SLC35A3: variants seen among roughly 807,000 people sequenced by gnomAD.
SLC35A3 encodes solute carrier family 35 member A3, also known as UDP-N-acetylglucosamine transporter.
Under a neutral mutation model 39.0 loss-of-function variants are expected in SLC35A3, and 26 were observed. The observed-to-expected ratio is 0.67, with a 90% CI of 0.49 to 0.92. SLC35A3 has a LOEUF of 0.92. SLC35A3 is among the 40% of genes least tolerant of loss of function. The pLI is 0.00. For missense variants in SLC35A3, 299 were observed against 371.6 expected (o/e 0.80, Z 1.61); for synonymous variants, 135 against 133.1 (o/e 1.01, Z -0.10).
At chr1:99,995,325 G>A (rs531007884) in intron 2 of SLC35A3, among the ~76,000 whole-genome samples, 2 of 151,640 alleles carry the variant, frequency 1.3e-5, no homozygotes, top group Non-Finnish European at 2.9e-5. Flanking sequence ...GCTACTTTTT[G>A]TATTTTTAGT....
At chr1:99,998,997 A>T (rs932264180) in intron 2 of SLC35A3, among the ~76,000 whole-genome samples, 2 of 152,204 alleles carry the variant, frequency 1.3e-5, no homozygotes, top group Admixed American at 1.3e-4. Context: ...ATGTGTTTGT[A>T]TGTGTTTGTA....
At chr1:99,970,554 G>T (rs1349205867) in intron 1 of SLC35A3, 3 of 1,535,944 alleles carry the variant, frequency 2.0e-6, no homozygotes, top group Non-Finnish European at 2.6e-6. Context: ...CTCGCTCGGT[G>T]TTGAGCCCTG....
At chr1:100,006,124 G>A (rs1327892538) in intron 3 of SLC35A3, among the ~76,000 whole-genome samples, 1 of 152,164 alleles carries the variant, frequency 6.6e-6, no homozygotes, top group Admixed American at 6.5e-5. Context: ...TGTCAGTGGG[G>A]TCTGTCTGGT....
At chr1:100,006,756 C>G (rs1390210534) in intron 3 of SLC35A3, among the ~76,000 whole-genome samples, 1 of 152,168 alleles carries the variant, frequency 6.6e-6, no homozygotes, top group African/African-American at 2.4e-5. Flanking sequence ...GTGGCAGTGG[C>G]TGTGGAGATA....
At chr1:100,004,561 C>T (rs1386650523) in intron 3 of SLC35A3, among the ~76,000 whole-genome samples, 2 of 152,080 alleles carry the variant, frequency 1.3e-5, no homozygotes, top group Non-Finnish European at 2.9e-5. Flanking sequence ...CTTGGCCTCC[C>T]AAAGTGTGAT....
intron 2 of SLC35A3, among the ~76,000 whole-genome samples, chr1:99,997,883 T>A (rs914503860): frequency 1.3e-5 from 2 of 152,128 alleles, no homozygotes; most frequent in African/African-American, 2.4e-5. Flanking sequence ...CTGGAAGGTC[T>A]TTAAAAGATA....
chr1:99,983,537 T>TCAAAACAAAA (rs111846657), intron 1 of SLC35A3, among the ~76,000 whole-genome samples: 1 of 150,202 alleles, frequency 6.7e-6, no homozygotes, highest in Non-Finnish European at 1.5e-5. Context: ...AGACTCCGTC[T>TCAAAACAAAA]CAAAACAAAA....
At chr1:100,003,488 T>G (rs924202344) in intron 3 of SLC35A3, among the ~76,000 whole-genome samples, 2 of 151,622 alleles carry the variant, frequency 1.3e-5, no homozygotes, top group African/African-American at 4.8e-5. Context: ...AGAAGATACT[T>G]GATATGACTT....
At chr1:100,006,458 G>A (rs1043099932) in intron 3 of SLC35A3, among the ~76,000 whole-genome samples, 3 of 152,170 alleles carry the variant, frequency 2.0e-5, no homozygotes, top group African/African-American at 4.8e-5. Flanking sequence ...GTGTACATGA[G>A]TGCCAGTGGT....
intron 2 of SLC35A3, among the ~76,000 whole-genome samples, chr1:99,995,103 A>AT (rs902662892): frequency 1.7e-5 from 2 of 116,166 alleles, no homozygotes; most frequent in African/African-American, 3.2e-5. Flanking sequence ...CTTTTTGTGT[A>AT]TTTTCTTTCT....
intron 3 of SLC35A3, chr1:100,000,768 C>T (rs1261378440): frequency 2.0e-5 from 3 of 152,082 alleles, no homozygotes; most frequent in Non-Finnish European, 4.4e-5. Context: ...AAATAACAGC[C>T]ATAAAATCTG....
chr1:100,027,368 C>T lies in SLC35A3; in HGVS notation c.*4892C>T. On this transcript the variant is annotated 3_prime_UTR_variant, in exon 8 of 8. Coordinates refer to ENST00000533028, the MANE Select transcript of SLC35A3 (RefSeq NM_012243.3). ...TCAGGAGGCTGAGGCAGAAGGATTG[C>T]TTGAGCCCAGCAATTTGATGCTGCA... The T allele has an allele frequency of 2.6e-6, 1 of 389,738 alleles. No homozygotes were observed. Among genetic ancestry groups the T allele is most frequent in the Non-Finnish European group, 4.5e-6 (1 of 221,038 alleles). The allele number at this position is 389,738 out of a possible 1,614,324, so 24.1% of individuals were successfully genotyped here.
Position 99,997,410 on chromosome 1 carries a change from T to TTATATATATA in SLC35A3, c.188-1813_188-1804dup, listed in dbSNP as rs71970416. Among the ~76,000 whole-genome samples the TTATATATATA allele has an allele frequency of 2.9e-3, 266 of 91,928 alleles. 10 individuals carry two copies. Among genetic ancestry groups the TTATATATATA allele is most frequent in the African/African-American group, 4.1e-3 (77 of 18,632 alleles). 60.3% of individuals were successfully genotyped at this position (91,928 alleles called of 152,430 possible). Reference sequence around the variant, plus strand: ...ACAGTTATATGTTTTATATATAGTTTTATATATATATATATATATATATAT... The same window carrying TTATATATATA: ...ACAGTTATATGTTTTATATATAGTTTTATATATATATATATATATATATATATATATATAT... On this transcript the variant is annotated intron_variant, in intron 2 of 7. Coordinates refer to ENST00000533028, the MANE Select transcript of SLC35A3 (RefSeq NM_012243.3).
Position 100,015,433 on chromosome 1 carries a change from A to G in SLC35A3, c.753+13A>G. 6.3e-7 allele frequency: 1 copy of G among 1,595,170 alleles called. No homozygotes were observed. The highest frequency in any genetic ancestry group is 8.5e-7 in the Non-Finnish European group (1 of 1,174,098). On this transcript the variant is annotated intron_variant, in intron 6 of 7. Transcript: ENST00000533028. Reference sequence around the variant, plus strand: ...AGTTGTTCTTCAGGTAAAGCATTTAAAGTCTTAGATTTAATGCTAATAAAC... The same window carrying G: ...AGTTGTTCTTCAGGTAAAGCATTTAGAGTCTTAGATTTAATGCTAATAAAC...
At chr1:100,001,844 T>C (rs1161000423) in intron 3 of SLC35A3, among the ~76,000 whole-genome samples, 1 of 152,226 alleles carries the variant, frequency 6.6e-6, no homozygotes, top group African/African-American at 2.4e-5. Context: ...TTTTTCTGCA[T>C]CTATTGAGAT....
At chr1:99,973,200 G>A (rs1389812995) in intron 1 of SLC35A3, among the ~76,000 whole-genome samples, 2 of 152,192 alleles carry the variant, frequency 1.3e-5, no homozygotes, top group Non-Finnish European at 2.9e-5. Flanking sequence ...GGATTTGTCT[G>A]TGTGTGTGCA....
At chr1:100,003,511 A>G (rs958160023) in intron 3 of SLC35A3, among the ~76,000 whole-genome samples, 1 of 151,252 alleles carries the variant, frequency 6.6e-6, no homozygotes, top group African/African-American at 2.4e-5. Flanking sequence ...ACTTTTAAAG[A>G]TTTGTTGAGA....
At position 100,017,750 on chromosome 1, in the gene SLC35A3, C is replaced by G; in HGVS notation, c.822C>G (p.Thr274=). 6.4e-7 allele frequency: 1 copy of G among 1,574,748 alleles called. No homozygotes were observed. Among genetic ancestry groups the G allele is most frequent in the Non-Finnish European group, 8.6e-7 (1 of 1,158,722 alleles). The part of the protein sequence containing the change: ...YADNILKGFA[T]SLSIILSTLI... ...ATAATATTTTAAAAGGATTTGCAAC[C>G]TCTTTATCGATAATATTATCAACAT... is the stretch of plus-strand genomic sequence containing the variant. The change falls in exon 7 of 8, where the codon ACC becomes ACG. Residue 274 remains threonine (T), a synonymous_variant. Coordinates refer to ENST00000533028, the MANE Select transcript of SLC35A3 (RefSeq NM_012243.3).
intron 1 of SLC35A3, among the ~76,000 whole-genome samples, chr1:99,982,218 T>G (rs972646862): frequency 1.3e-5 from 2 of 151,538 alleles, no homozygotes; most frequent in African/African-American, 4.8e-5. Context: ...TTGCCCAGGC[T>G]TTGAACCCCT....
Sources: gnomAD v4.1 joint callset for allele counts (sites outside exome capture counted in the v4.1 genomes callset) on GRCh38, gnomAD v4.1.1 for gene constraint, MANE v1.5 for transcripts, NCBI Gene and HGNC (gene_info 2026-07-23, HGNC 2026-07-21) for gene names.